IL4I1: variants seen among roughly 807,000 people sequenced by gnomAD.
IL4I1 encodes interleukin 4 induced 1.
Under a neutral mutation model 29.7 loss-of-function variants are expected in IL4I1, and 24 were observed. The observed-to-expected ratio is 0.81, with a 90% CI of 0.59 to 1.14. IL4I1 has a LOEUF of 1.14. Ranked by LOEUF, IL4I1 falls within the 50% of genes most tolerant of loss-of-function variation. The pLI is 0.00. For synonymous variants in IL4I1, 371 were observed against 352.5 expected (o/e 1.05, Z -0.59); for missense variants, 686 against 785.6 (o/e 0.87, Z 1.52).
Position 49,908,674 on chromosome 19 carries a change from C to T in IL4I1, c.-227-4353G>A, listed in dbSNP as rs374924278. 46 of 1,612,340 alleles carry T rather than the reference C, an allele frequency of 2.9e-5. No homozygotes were observed. The South Asian group carries it at 3.4e-4, about 12-fold the overall frequency. The stretch of plus-strand genomic sequence containing the variant: ...TCTGGTCCAGCTTCACCTTCTCCAC[C>T]TCGCGGTGCAGGCTGGTGATCTTTT... On this transcript the variant is annotated intron_variant, in intron 2 of 9. Transcript: ENST00000341114.
chr19:49,894,508 TG>T (rs753006842), intron 4 of IL4I1, 39 bp from the exon 5 acceptor site: 20 of 1,140,852 alleles, frequency 1.8e-5, no homozygotes, highest in Non-Finnish European at 2.0e-5. Context: ...CGGGCTCCAG[TG>T]GGGGTGGCCT....
intron 6 of IL4I1, 67 bp from the exon 7 acceptor site, chr19:49,891,174 A>G (rs971880358): frequency 1.3e-6 from 2 of 1,575,038 alleles, no homozygotes; most frequent in South Asian, 2.3e-5. Flanking sequence ...GCCCCTCCGC[A>G]GCTGGGCCTC....
rs760540568 is a variant in IL4I1 at position 49,910,000 on chromosome 19, T to G, written c.-227-5679A>C. On this transcript the variant is annotated intron_variant, in intron 2 of 9. Transcript: ENST00000341114. ...GGATGGGATAATGATGCATGCTGTG[T>G]AACCTAAACTAGGCTCTGCTACATC... 2.3e-4 allele frequency: 158 copies of G among 677,156 alleles called. 1 individual carries two copies. Among genetic ancestry groups the G allele is most frequent in the Non-Finnish European group, 3.8e-4 (141 of 369,518 alleles). The allele number at this position is 677,156 out of a possible 1,614,324, so 41.9% of individuals were successfully genotyped here.
At chr19:49,912,166 C>CTTT (rs60350799) in intron 2 of IL4I1, among the ~76,000 whole-genome samples, 64 of 115,460 alleles carry the variant, frequency 5.5e-4, no homozygotes, top group East Asian at 2.1e-3. Flanking sequence ...AACAGTTCAC[C>CTTT]TTTTTTTTTT....
At chr19:49,917,414 C>A (rs1152239) in intron 2 of IL4I1, among the ~76,000 whole-genome samples, 106,414 of 152,072 alleles carry the variant, frequency 0.7, 37,426 homozygotes, top group East Asian at 0.91. Context: ...AAGAAAATCC[C>A]CCTAAACCTT....
chr19:49,890,128 A>G lies in IL4I1; in HGVS notation c.1246T>C (p.Leu416=). ...GCCACGTCGTCGAGCGCCAAGCGCAACGCCTCTTCCCGGCTCAAGCCGGCG... is the reference window on the plus strand; with the variant it reads ...GCCACGTCGTCGAGCGCCAAGCGCAGCGCCTCTTCCCGGCTCAAGCCGGCG... The part of the protein sequence containing the change: ...AFAGLSREEA[L]RLALDDVAAL... Residue 416 remains leucine (L), a synonymous_variant, in exon 8 of 8, where the codon TTG becomes CTG. Coordinates refer to ENST00000391826, the MANE Select transcript of IL4I1 (RefSeq NM_152899.2). The G allele has an allele frequency of 6.5e-7, 1 of 1,543,306 alleles. No individual in the cohort carries two copies. Among genetic ancestry groups the G allele is most frequent in the South Asian group, 1.2e-5 (1 of 84,030 alleles).
At chr19:49,912,998 CCA>C (rs2122641857) in intron 2 of IL4I1, 1 of 131,518 alleles carries the variant, frequency 7.6e-6, no homozygotes, top group South Asian at 2.3e-4. Flanking sequence ...CTCAAGGCAG[CCA>C]GAGTCAAATG....
At chr19:49,894,575 GCATGAGGCT>G in intron 4 of IL4I1, 106 bp from the exon 5 acceptor site, 1 of 737,568 alleles carries the variant, frequency 1.4e-6, no homozygotes, top group Non-Finnish European at 2.2e-6. Flanking sequence ...CTGGGGACCA[GCATGAGGCT>G]GGGGGTGGGG....
At chr19:49,898,825 C>T (rs551342180), upstream of IL4I1, among the ~76,000 whole-genome samples, 2 of 152,262 alleles carry the variant, frequency 1.3e-5, no homozygotes, top group Non-Finnish European at 2.9e-5. Context: ...GCCGAGATTG[C>T]ACCGCTGCAC....
chr19:49,910,716 TG>T (rs1334147019), intron 2 of IL4I1, among the ~76,000 whole-genome samples: 3 of 22,706 alleles, frequency 1.3e-4, no homozygotes, highest in African/African-American at 5.5e-4. Flanking sequence ...CAGAGATGGG[TG>T]GGGGTGGGGG....
chr19:49,912,616 C>A (rs964099915), intron 2 of IL4I1, among the ~76,000 whole-genome samples: 1 of 152,182 alleles, frequency 6.6e-6, no homozygotes, highest in African/African-American at 2.4e-5. Context: ...GTAATCCCAG[C>A]ACTTTGGGAG....
intron 3 of IL4I1, among the ~76,000 whole-genome samples, chr19:49,903,981 G>A (rs1034256873): frequency 2.0e-5 from 3 of 151,530 alleles, no homozygotes; most frequent in African/African-American, 7.3e-5. Flanking sequence ...TGAAACTACA[G>A]GCAGGAGCCA....
At chr19:49,891,344 G>T (rs2075136002) in intron 6 of IL4I1, 61 bp downstream of exon 6, 1 of 1,558,930 alleles carries the variant, frequency 6.4e-7, no homozygotes, top group Admixed American at 1.7e-5. Context: ...GACTCTCTGG[G>T]GAAGGCCTCA....
chr19:49,890,836 T>G, intron 7 of IL4I1, 135 bp downstream of exon 7: 7 of 845,492 alleles, frequency 8.3e-6, no homozygotes, highest in Non-Finnish European at 1.2e-5. Flanking sequence ...TGGGAACCCT[T>G]AGCCCCGCGA....
chr19:49,908,981 G>T (rs200338964), intron 2 of IL4I1: 1 of 1,609,188 alleles, frequency 6.2e-7, no homozygotes, highest in African/African-American at 1.3e-5. Flanking sequence ...GGCGGTGGCG[G>T]TGGCAGCGGT....
chr19:49,913,761 C>T (rs2075545079), intron 2 of IL4I1, among the ~76,000 whole-genome samples: 1 of 152,192 alleles, frequency 6.6e-6, no homozygotes, highest in Non-Finnish European at 1.5e-5. Flanking sequence ...CTTAGCTCAT[C>T]ACTGAGCCGC....
intron 2 of IL4I1, chr19:49,909,463 C>G: frequency 1.2e-6 from 2 of 1,614,130 alleles, no homozygotes; most frequent in Non-Finnish European, 1.7e-6. Context: ...TGCTGCCCAG[C>G]CCAAAGCCGC....
At chr19:49,907,795 CAA>C (rs1349594121) in intron 2 of IL4I1, 1 of 334,926 alleles carries the variant, frequency 3.0e-6, no homozygotes, top group African/African-American at 2.2e-5. Context: ...CTTGGCCACC[CAA>C]AGTGCTGAGA....
rs1290749 is a variant in IL4I1, at chr19:49,909,052, C to G, written c.-227-4731G>C. On this transcript the variant is annotated intron_variant, in intron 2 of 9. Transcript: ENST00000341114. ...GTGCCTTTAAGCTGAAGCCCTGTGTCCCAGCAGTGGGGGCGCCCGCTGTGG... is the reference window on the plus strand; with the variant it reads ...GTGCCTTTAAGCTGAAGCCCTGTGTGCCAGCAGTGGGGGCGCCCGCTGTGG... 17,871 of 1,612,988 alleles carry G rather than the reference C, an allele frequency of 0.011. 430 individuals are homozygous for G. The highest frequency in any genetic ancestry group is 0.1 in the East Asian group (4,700 of 44,868).
Sources: gnomAD v4.1 joint callset for allele counts (sites outside exome capture counted in the v4.1 genomes callset) on GRCh38, gnomAD v4.1.1 for gene constraint, MANE v1.5 for transcripts, NCBI Gene and HGNC (gene_info 2026-07-23, HGNC 2026-07-21) for gene names.